The following KL variants were observed in gnomAD, a reference collection of about 807,000 sequenced individuals.
KL encodes klotho.
KL carries 62 observed loss-of-function variants against 84.2 expected under a neutral mutation model. The ratio of observed to expected loss-of-function variants is 0.74; its 90% CI spans 0.60 to 0.91. The LOEUF is 0.91. KL is among the 40% of genes least tolerant of loss of function. KL has a pLI of 0.00. For missense variants in KL, 1,261 were observed against 1,305.7 expected (o/e 0.97, Z 0.53); for synonymous variants, 528 against 528.0 (o/e 1.00, Z 0.00).
At chr13:33,055,732 G>A (rs1246494911) in intron 3 of KL, among the ~76,000 whole-genome samples, 38 of 152,128 alleles carry the variant, frequency 2.5e-4, no homozygotes, top group Non-Finnish European at 2.9e-5. Context: ...GTCCTCCAGA[G>A]GCACAACTGT....
chr13:33,016,276 G>A (rs2516569), upstream of KL: 139,283 of 151,632 alleles, frequency 0.92, 65,095 homozygotes, highest in East Asian at 1. Context: ...CCCTGCCCCC[G>A]CCCCCAGTGC....
intron 1 of KL, among the ~76,000 whole-genome samples, chr13:33,034,913 C>T (rs1162019620): frequency 6.6e-6 from 1 of 152,162 alleles, no homozygotes; most frequent in Non-Finnish European, 1.5e-5. Flanking sequence ...AAAATTTTCA[C>T]AGAAAAAACT....
At chr13:33,055,450 A>G in intron 3 of KL, 135 bp downstream of exon 3, 1 of 1,084,000 alleles carries the variant, frequency 9.2e-7, no homozygotes, top group Non-Finnish European at 1.4e-6. Flanking sequence ...GAGTACACTA[A>G]GGGCACAATT....
intron 1 of KL, among the ~76,000 whole-genome samples, chr13:33,017,539 T>A (rs1394175957): frequency 6.6e-6 from 1 of 152,166 alleles, no homozygotes; most frequent in Non-Finnish European, 1.5e-5. Flanking sequence ...CTCCTTTCTC[T>A]GGGTGTAGAG....
intron 1 of KL, among the ~76,000 whole-genome samples, chr13:33,049,042 G>A (rs1044071633): frequency 6.6e-6 from 1 of 152,112 alleles, no homozygotes; most frequent in Non-Finnish European, 1.5e-5. Context: ...AAGGTAAGAA[G>A]GAAGCAAGGA....
At chr13:33,048,456 C>T (rs977377857) in intron 1 of KL, among the ~76,000 whole-genome samples, 2 of 152,172 alleles carry the variant, frequency 1.3e-5, no homozygotes, top group African/African-American at 2.4e-5. Context: ...CAGACCTACC[C>T]AACCTTTGGT....
At chr13:33,049,060 A>G (rs999227390) in intron 1 of KL, among the ~76,000 whole-genome samples, 2 of 152,138 alleles carry the variant, frequency 1.3e-5, no homozygotes, top group African/African-American at 4.8e-5. Context: ...GGAGGGCATC[A>G]CATACGAGAG....
chr13:33,060,816 G>A lies in KL; in HGVS notation c.1737G>A (p.Gln579=). 1.9e-6 allele frequency: 3 copies of A among 1,614,198 alleles called. No homozygotes were observed. The Middle Eastern group carries it at 4.9e-4, about 266-fold the overall frequency. Residue 579 remains glutamine (Q), a synonymous_variant, in exon 4 of 5, where the codon CAG becomes CAA. Transcript: ENST00000380099. ...ACTGTGTTGACTTTGCTGCCATCCA[G>A]CCCCAGATCGCTTTACTCCAGGAAA... is the stretch of plus-strand genomic sequence containing the variant. ...KSYCVDFAAI[Q]PQIALLQEMH... is the part of the protein sequence containing the mutation.
intron 1 of KL, among the ~76,000 whole-genome samples, chr13:33,050,568 A>ATGATATTAGAGAAG (rs1262517557): frequency 6.6e-6 from 1 of 152,124 alleles, no homozygotes; most frequent in Non-Finnish European, 1.5e-5. Context: ...TCTGCAGTAA[A>ATGATATTAGAGAAG]TGATATTAGA....
At chr13:33,029,589 A>G (rs1870899040) in intron 1 of KL, among the ~76,000 whole-genome samples, 1 of 152,182 alleles carries the variant, frequency 6.6e-6, no homozygotes, top group Admixed American at 6.5e-5. Context: ...GTCTTAGTTC[A>G]TTTTGTACAG....
At chr13:33,053,527 G>A (rs966326968) in intron 1 of KL, among the ~76,000 whole-genome samples, 5 of 152,072 alleles carry the variant, frequency 3.3e-5, no homozygotes, top group Non-Finnish European at 7.4e-5. Context: ...TCAACCCAAG[G>A]AATCTACATT....
chr13:33,061,706 A>T lies in KL; in HGVS notation c.2627A>T (p.Asp876Val), dbSNP rs1488567492. The change falls in exon 4 of 5, where the codon GAT becomes GTT. Residue 876 changes from aspartate to valine, a missense_variant. Coordinates refer to ENST00000380099, the MANE Select transcript of KL (RefSeq NM_004795.4). ...ATGTACATAATATCCAATGGAATCGATGACGGGCTGCATGCTGAGGACGAC... is the reference window on the plus strand; with the variant it reads ...ATGTACATAATATCCAATGGAATCGTTGACGGGCTGCATGCTGAGGACGAC... ...LPMYIISNGIDDGLHAEDDQL... is the reference protein window; with the variant it reads ...LPMYIISNGIVDGLHAEDDQL... 13 of 1,613,848 alleles carry T rather than the reference A, an allele frequency of 8.1e-6. No individual in the cohort carries two copies. Among genetic ancestry groups the T allele is most frequent in the Non-Finnish European group, 1.1e-5 (13 of 1,179,834 alleles).
Position 33,065,836 on chromosome 13 carries a change from G to T in KL, c.*1650G>T, listed in dbSNP as rs1264872794. ...TTTCCTACGTATTTTATTTTACATAGATCATATTGTATATAGTTAGTATCT... is the reference window on the plus strand; with the variant it reads ...TTTCCTACGTATTTTATTTTACATATATCATATTGTATATAGTTAGTATCT... On this transcript the variant is annotated 3_prime_UTR_variant, in exon 5 of 5. Transcript: ENST00000380099. 5.8e-6 allele frequency: 1 copy of T among 173,734 alleles called. No individual in the cohort carries two copies. The highest frequency in any genetic ancestry group is 1.2e-5 in the Non-Finnish European group (1 of 80,672). 10.8% of individuals were successfully genotyped at this position (173,734 alleles called of 1,614,324 possible). A position where few individuals can be genotyped will look rare whatever the true frequency, so the allele number is the denominator to read the frequency against.
chr13:33,053,898 A>G lies in KL; in HGVS notation c.951A>G (p.Gln317=). The G allele has an allele frequency of 3.7e-6, 6 of 1,614,212 alleles. 1 individual carries two copies. Among genetic ancestry groups the G allele is most frequent in the African/African-American group, 2.7e-5 (2 of 75,042 alleles). The part of the protein sequence containing the change: ...RMTDHSIKEC[Q]KSLDFVLGWF... ...CCGACCACAGCATCAAAGAATGTCA[A>G]AAATCTCTGGACTTTGTACTAGGTT... Residue 317 remains glutamine (Q), a synonymous_variant, in exon 2 of 5, where the codon CAA becomes CAG. Transcript: ENST00000380099.
Position 33,016,854 on chromosome 13 carries a change from G to A in KL, c.414G>A (p.Ala138=), listed in dbSNP as rs1329643634. The change falls in exon 1 of 5, where the codon GCG becomes GCA. Residue 138 remains alanine (A), a synonymous_variant. Transcript: ENST00000380099. ...ACAACGTCTTCCGCGACACGGAGGCGCTGCGCGAGCTCGGGGTCACTCACT... is the reference window on the plus strand; with the variant it reads ...ACAACGTCTTCCGCGACACGGAGGCACTGCGCGAGCTCGGGGTCACTCACT... ...SYNNVFRDTE[A]LRELGVTHYR... 1 of 1,612,676 alleles carries A rather than the reference G, an allele frequency of 6.2e-7. No individual in the cohort carries two copies. Among genetic ancestry groups the A allele is most frequent in the African/African-American group, 1.3e-5 (1 of 74,924 alleles).
chr13:33,029,935 ATT>A (rs34181824), intron 1 of KL, among the ~76,000 whole-genome samples: 314 of 145,850 alleles, frequency 2.2e-3, no homozygotes, highest in Middle Eastern at 3.5e-3. Context: ...GCCTGGCCCT[ATT>A]TTTTTTTTTT....
intron 1 of KL, among the ~76,000 whole-genome samples, chr13:33,033,932 G>A (rs1871068770): frequency 6.6e-6 from 1 of 151,844 alleles, no homozygotes; most frequent in Non-Finnish European, 1.5e-5. Context: ...TAGTATAAAA[G>A]CATTTTTTTT....
intron 1 of KL, among the ~76,000 whole-genome samples, chr13:33,024,855 C>T (rs1870711239): frequency 6.6e-6 from 1 of 152,190 alleles, no homozygotes; most frequent in South Asian, 2.1e-4. Context: ...CCCGACTCAA[C>T]TACATTCTCC....
intron 1 of KL, among the ~76,000 whole-genome samples, chr13:33,023,859 A>T (rs1870660442): frequency 6.6e-6 from 1 of 152,230 alleles, no homozygotes; most frequent in African/African-American, 2.4e-5. Context: ...TTTATTTGAT[A>T]ATTAGAATGT....
Sources: gnomAD v4.1 joint callset for allele counts (sites outside exome capture counted in the v4.1 genomes callset) on GRCh38, gnomAD v4.1.1 for gene constraint, MANE v1.5 for transcripts, NCBI Gene and HGNC (gene_info 2026-07-23, HGNC 2026-07-21) for gene names.